The following PARD3 variants were observed in gnomAD, a reference collection of about 807,000 sequenced individuals.
PARD3 encodes par-3 family cell polarity regulator, also known as partitioning defective 3 homolog.
PARD3 carries 75 observed loss-of-function variants against 155.4 expected under a neutral mutation model. The ratio of observed to expected loss-of-function variants is 0.48; its 90% confidence interval spans 0.40 to 0.58. The LOEUF (loss-of-function observed/expected upper bound fraction) is 0.58, where lower values mean the gene tolerates loss of function less well. Ranked by LOEUF, PARD3 falls within the 20% of genes least tolerant of loss-of-function variation. The pLI, the probability that PARD3 is intolerant of heterozygous loss-of-function variation, is 0.00. For synonymous variants in PARD3, 576 were observed against 610.5 expected (o/e 0.94, Z 0.83); for missense variants, 1,642 against 1,721.7 (o/e 0.95, Z 0.82).
chr10:34,416,353 C>T (rs950312781), intron 5 of PARD3, among the ~76,000 whole-genome samples: 3 of 152,120 alleles, frequency 2.0e-5, no homozygotes, highest in Non-Finnish European at 2.9e-5. Context: ...AGGAGAGTGG[C>T]TCATTTCAGT....
At chr10:34,432,806 A>G (rs2076012683) in intron 5 of PARD3, among the ~76,000 whole-genome samples, 1 of 152,232 alleles carries the variant, frequency 6.6e-6, no homozygotes, top group African/African-American at 2.4e-5. Flanking sequence ...AAGGAACAGG[A>G]AGAGGAACTA....
At chr10:34,422,409 A>C (rs1186691130) in intron 5 of PARD3, among the ~76,000 whole-genome samples, 1 of 152,288 alleles carries the variant, frequency 6.6e-6, no homozygotes, top group South Asian at 2.1e-4. Flanking sequence ...TAACAAAAGC[A>C]AAAATAGGCA....
At chr10:34,461,342 TG>T (rs1384862280) in intron 4 of PARD3, among the ~76,000 whole-genome samples, 5 of 152,124 alleles carry the variant, frequency 3.3e-5, no homozygotes, top group African/African-American at 4.8e-5. Context: ...TGGTGGCTGA[TG>T]CCTGTAATCC....
At chr10:34,147,528 A>G (rs1948573413) in intron 22 of PARD3, among the ~76,000 whole-genome samples, 1 of 151,800 alleles carries the variant, frequency 6.6e-6, no homozygotes, top group Non-Finnish European at 1.5e-5. Flanking sequence ...GTGGATAAAA[A>G]CCTTTTGATC....
intron 2 of PARD3, among the ~76,000 whole-genome samples, chr10:34,618,959 C>T (rs1391364613): frequency 1.3e-5 from 2 of 152,124 alleles, no homozygotes; most frequent in Admixed American, 6.5e-5. Flanking sequence ...CAGAGCACAC[C>T]TCGTGATTCT....
At chr10:34,265,893 G>A (rs1013509435) in intron 22 of PARD3, among the ~76,000 whole-genome samples, 1 of 152,158 alleles carries the variant, frequency 6.6e-6, no homozygotes, top group African/African-American at 2.4e-5. Flanking sequence ...CAAAAGAACT[G>A]CAGAAATTCA....
intron 3 of PARD3, among the ~76,000 whole-genome samples, chr10:34,496,755 T>C: frequency 6.6e-6 from 1 of 152,206 alleles, no homozygotes; most frequent in East Asian, 1.9e-4. Flanking sequence ...CAATCAAATG[T>C]AAGGTGTGGA....
intron 1 of PARD3, among the ~76,000 whole-genome samples, chr10:34,754,242 G>C (rs1020035682): frequency 6.6e-6 from 1 of 152,182 alleles, no homozygotes; most frequent in Non-Finnish European, 1.5e-5. Context: ...CTGGCCTCAA[G>C]CAATCCTCTT....
At chr10:34,475,480 C>T (rs1374606242) in intron 3 of PARD3, among the ~76,000 whole-genome samples, 1 of 152,202 alleles carries the variant, frequency 6.6e-6, no homozygotes, top group Non-Finnish European at 1.5e-5. Context: ...CACCATAACT[C>T]GACCAGTGGT....
At chr10:34,417,207 T>C (rs1355224322) in intron 5 of PARD3, among the ~76,000 whole-genome samples, 1 of 152,156 alleles carries the variant, frequency 6.6e-6, no homozygotes, top group Non-Finnish European at 1.5e-5. Flanking sequence ...GAACCAGCAT[T>C]GTGTCAATTA....
intron 14 of PARD3, among the ~76,000 whole-genome samples, chr10:34,349,221 A>G (rs1223944812): frequency 4.6e-5 from 7 of 152,204 alleles, no homozygotes; most frequent in African/African-American, 1.7e-4. Context: ...TATTTCCGTT[A>G]GAAGCTATCA....
At chr10:34,728,994 A>C (rs2094768710) in intron 1 of PARD3, among the ~76,000 whole-genome samples, 1 of 152,126 alleles carries the variant, frequency 6.6e-6, no homozygotes, top group Non-Finnish European at 1.5e-5. Context: ...CTCTGTTCTA[A>C]CTGCCTGCAG....
intron 1 of PARD3, among the ~76,000 whole-genome samples, chr10:34,801,790 G>C (rs1317421577): frequency 6.6e-6 from 1 of 152,058 alleles, no homozygotes; most frequent in Non-Finnish European, 1.5e-5. Context: ...AAGTGTTATG[G>C]GCACATGAAT....
At chr10:34,349,398 G>C (rs1028377023) in intron 14 of PARD3, among the ~76,000 whole-genome samples, 5 of 151,802 alleles carry the variant, frequency 3.3e-5, no homozygotes, top group African/African-American at 1.2e-4. Context: ...TAGTGAATTA[G>C]ACTCAATAAG....
At position 34,805,542 on chromosome 10, in the gene PARD3, C is replaced by CATATATATATATATATAT. The variant is rs58820083; in HGVS notation, c.120+9316_120+9333dup. ...CACCCCAGAAATACACACGTATGTGCATATATATATATATATATATATATA... is the reference window on the plus strand; with the variant it reads ...CACCCCAGAAATACACACGTATGTGCATATATATATATATATATATATATATATATATATATATATATA... On this transcript the variant is annotated intron_variant, in intron 1 of 24. Transcript: ENST00000374788. 3.3e-4 allele frequency among the ~76,000 whole-genome samples: 46 copies of CATATATATATATATATAT among 140,772 alleles called. No homozygotes were observed. The East Asian group carries it at 3.4e-3, about 10-fold the overall frequency. 92.4% of individuals were successfully genotyped at this position (140,772 alleles called of 152,430 possible). A position where few individuals can be genotyped will look rare whatever the true frequency, so the allele number is the denominator to read the frequency against.
chr10:34,682,277 T>A (rs554859410), intron 2 of PARD3, among the ~76,000 whole-genome samples: 1 of 146,372 alleles, frequency 6.8e-6, no homozygotes, highest in South Asian at 2.1e-4. Flanking sequence ...TCAGAATTCT[T>A]GCGTGGTAGT....
chr10:34,181,901 A>C (rs1177317367), intron 22 of PARD3, among the ~76,000 whole-genome samples: 1 of 152,126 alleles, frequency 6.6e-6, no homozygotes, highest in Non-Finnish European at 1.5e-5. Flanking sequence ...CAGGGTAAGG[A>C]TAGAGGGAAA....
intron 22 of PARD3, among the ~76,000 whole-genome samples, chr10:34,148,374 G>A (rs989432817): frequency 6.6e-6 from 1 of 152,084 alleles, no homozygotes; most frequent in Non-Finnish European, 1.5e-5. Context: ...TTCTCATATT[G>A]TAATGTCTCT....
At chr10:34,604,035 C>T (rs2090015124) in intron 2 of PARD3, among the ~76,000 whole-genome samples, 1 of 152,140 alleles carries the variant, frequency 6.6e-6, no homozygotes, top group African/African-American at 2.4e-5. Context: ...ACCTTAAAAT[C>T]CTCTTAAGAA....
Sources: gnomAD v4.1 joint callset for allele counts (sites outside exome capture counted in the v4.1 genomes callset) on GRCh38, gnomAD v4.1.1 for gene constraint, MANE v1.5 for transcripts, NCBI Gene and HGNC (gene_info 2026-07-23, HGNC 2026-07-21) for gene names.